The following PELP1 variants were observed in gnomAD, a reference collection of about 807,000 sequenced individuals.
The protein encoded by PELP1 is proline-, glutamic acid- and leucine-rich protein 1.
In PELP1, 32 loss-of-function variants were observed where a neutral mutation model predicts 95.5. The observed-to-expected ratio is 0.34, with a 90% CI of 0.25 to 0.45. PELP1 has a LOEUF of 0.45. Among genes scored for constraint, PELP1 ranks in the 20% least tolerant of loss-of-function variants. PELP1 has a pLI of 1.00. For missense variants in PELP1, 1,358 were observed against 1,444.8 expected (o/e 0.94, Z 0.97); for synonymous variants, 668 against 600.1 (o/e 1.11, Z -1.65).
chr17:4,698,008 G>GCTTTT (rs1223259169), intron 1 of PELP1, among the ~76,000 whole-genome samples: 13 of 133,600 alleles, frequency 9.7e-5, no homozygotes, highest in African/African-American at 3.6e-4. Flanking sequence ...TTTCTGCAAG[G>GCTTTT]TTTTTTTTTT....
chr17:4,698,965 A>G (rs1297454704), intron 1 of PELP1, among the ~76,000 whole-genome samples: 1 of 152,180 alleles, frequency 6.6e-6, no homozygotes, highest in Non-Finnish European at 1.5e-5. Flanking sequence ...AAATATCTGA[A>G]AGAATTCCTG....
chr17:4,675,095 G>A lies in PELP1; in HGVS notation c.1258C>T (p.Gln420Ter). Residue 420 changes from glutamine to a stop codon, truncating the protein, a stop_gained, in exon 11 of 17, where the codon CAG (glutamine) becomes TAG (stop). Coordinates refer to ENST00000572293, the MANE Select transcript of PELP1 (RefSeq NM_014389.3). LOFTEE classifies it high-confidence loss of function. This position sits in a 1 kb window ranked among gnomAD's most constrained non-coding sequence, Gnocchi z 4.3. ...SIGRDSLSPG[Q>*]ERPYSTVRTK... is the part of the protein sequence containing the mutation. ...GATGGTCACCTGTAAGGCCTCTCCT[G>A]GCCTGGAGAGAGGGAATCTCTACCG... is the stretch of plus-strand genomic sequence containing the variant. 6.2e-7 allele frequency: 1 copy of A among 1,613,762 alleles called. No homozygotes were observed. The highest frequency in any genetic ancestry group is 8.5e-7 in the Non-Finnish European group (1 of 1,179,764).
chr17:4,676,190 C>T (rs1912467347), intron 7 of PELP1, 28 bp from the exon 8 acceptor site: 7 of 1,611,030 alleles, frequency 4.3e-6, no homozygotes, highest in African/African-American at 1.3e-5. Context: ...ACCCTGTACA[C>T]TGTCTTTCTT....
Position 4,673,749 on chromosome 17 carries a change from CA to C in PELP1, c.1583-76del. The C allele has an allele frequency of 1.6e-6, 2 of 1,236,072 alleles. No individual in the cohort carries two copies. Among genetic ancestry groups the C allele is most frequent in the Non-Finnish European group, 2.4e-6 (2 of 835,138 alleles). 76.6% of individuals were successfully genotyped at this position (1,236,072 alleles called of 1,614,324 possible). On this transcript the variant is annotated intron_variant, in intron 13 of 16. Coordinates refer to ENST00000572293, the MANE Select transcript of PELP1 (RefSeq NM_014389.3). This position sits in a 1 kb window ranked among gnomAD's most constrained non-coding sequence, Gnocchi z 5.7. ...GCAAGGGCTTCTGAAGCATACAGCC[CA>C]AAATGGGCATCAACTCTGCCACTGC...
At chr17:4,688,889 A>C (rs1012276726) in intron 3 of PELP1, among the ~76,000 whole-genome samples, 2 of 152,240 alleles carry the variant, frequency 1.3e-5, no homozygotes, top group Non-Finnish European at 2.9e-5. Flanking sequence ...CATAAAGCCA[A>C]AGCAAGGCTA....
At chr17:4,699,807 G>A (rs1015415701) in intron 1 of PELP1, among the ~76,000 whole-genome samples, 7 of 151,164 alleles carry the variant, frequency 4.6e-5, no homozygotes, top group Non-Finnish European at 1.0e-4. Flanking sequence ...GGCTGGTCTC[G>A]AACTCCTGGC....
chr17:4,694,353 CTAAG>C lies in PELP1; in HGVS notation c.250-2915_250-2912del, dbSNP rs559943449. Among the ~76,000 whole-genome samples, 500 of 152,066 alleles carry C rather than the reference CTAAG, an allele frequency of 3.3e-3. 1 individual carries two copies. Among genetic ancestry groups the C allele is most frequent in the Non-Finnish European group, 5.0e-3 (340 of 68,002 alleles). On this transcript the variant is annotated intron_variant, in intron 1 of 16. Coordinates refer to ENST00000572293, the MANE Select transcript of PELP1 (RefSeq NM_014389.3). ...TACTAAATCCACGGAATTGTATACT[CTAAG>C]TGAGTGAACTGTGGCCGGGCGCAGT...
chr17:4,691,322 A>G (rs991112443), intron 2 of PELP1, 56 bp downstream of exon 2: 26 of 1,221,308 alleles, frequency 2.1e-5, no homozygotes, highest in Non-Finnish European at 3.0e-5. Flanking sequence ...AGATGTACAT[A>G]TGCCCACTTC....
chr17:4,670,321 C>T lies in PELP1; in HGVS notation c.*1118G>A, dbSNP rs1219666108. 6.6e-6 allele frequency: 1 copy of T among 152,158 alleles called. No individual in the cohort carries two copies. The highest frequency in any genetic ancestry group is 6.5e-5 in the Admixed American group (1 of 15,280). 9.4% of individuals were successfully genotyped at this position (152,158 alleles called of 1,614,324 possible). A position where few individuals can be genotyped will look rare whatever the true frequency, so the allele number is the denominator to read the frequency against. On this transcript the variant is annotated 3_prime_UTR_variant, in exon 17 of 17. Coordinates refer to ENST00000572293, the MANE Select transcript of PELP1 (RefSeq NM_014389.3). The stretch of plus-strand genomic sequence containing the variant: ...TGACTGAGCAAAAAAAACCACGGGG[C>T]CCCTAGTTCAAGCCCACCAATCTTG...
chr17:4,672,288 CTCT>C lies in PELP1; in HGVS notation c.2700_2702del (p.Glu908del), dbSNP rs559608745. On this transcript the variant is annotated inframe_deletion, in exon 16 of 17. Transcript: ENST00000572293. ...AGTCTTCCTCCTCTTCCTCTTCTTCCTCTTCTTCTTCTTCCTCTTCTTCCTCTT... is the reference window on the plus strand; with the variant it reads ...AGTCTTCCTCCTCTTCCTCTTCTTCCTCTTCTTCTTCCTCTTCTTCCTCTT... 2.7e-3 allele frequency: 4,141 copies of C among 1,549,282 alleles called. 10 individuals carry two copies. Among genetic ancestry groups the C allele is most frequent in the African/African-American group, 0.01 (746 of 72,616 alleles).
At position 4,671,216 on chromosome 17, in the gene PELP1, G is replaced by A. The variant is rs1396228309; in HGVS notation, c.*223C>T. 6 of 574,214 alleles carry A rather than the reference G, an allele frequency of 1.0e-5. No homozygotes were observed. The allele number at this position is 574,214 out of a possible 1,614,324, so 35.6% of individuals were successfully genotyped here. Reference sequence around the variant, plus strand: ...CCTACAATTCTGACACCATCGTGCTGAGTGATGGGACAGTCCATTACACCA... The same window carrying A: ...CCTACAATTCTGACACCATCGTGCTAAGTGATGGGACAGTCCATTACACCA... On this transcript the variant is annotated 3_prime_UTR_variant, in exon 17 of 17. Coordinates refer to ENST00000572293, the MANE Select transcript of PELP1 (RefSeq NM_014389.3).
intron 3 of PELP1, among the ~76,000 whole-genome samples, chr17:4,689,229 A>G (rs764370849): frequency 1.3e-5 from 2 of 152,260 alleles, no homozygotes; most frequent in Admixed American, 6.5e-5. Flanking sequence ...ACCTGAAACC[A>G]TAACAATTCT....
chr17:4,693,541 C>T (rs1299227612), intron 1 of PELP1, among the ~76,000 whole-genome samples: 2 of 152,192 alleles, frequency 1.3e-5, no homozygotes, highest in South Asian at 2.1e-4. Context: ...TCTACTCTTA[C>T]GCTTTGGGCC....
intron 3 of PELP1, among the ~76,000 whole-genome samples, chr17:4,690,352 A>G (rs567767789): frequency 1.3e-5 from 2 of 152,258 alleles, no homozygotes; most frequent in African/African-American, 4.8e-5. Flanking sequence ...GGGTGCACCA[A>G]CATCTCAGAA....
At chr17:4,695,271 G>A (rs922432924) in intron 1 of PELP1, among the ~76,000 whole-genome samples, 1 of 151,586 alleles carries the variant, frequency 6.6e-6, no homozygotes, top group African/African-American at 2.4e-5. Flanking sequence ...GCAGTGAGCC[G>A]AGATCACGCC....
Position 4,671,512 on chromosome 17 carries a change from G to A in PELP1, c.3320C>T (p.Ala1107Val), listed in dbSNP as rs763295002. The change falls in exon 17 of 17, where the codon GCC becomes GTC. Residue 1107 changes from alanine to valine, a missense_variant. Ala to Val is a moderately conservative substitution (Grantham distance 64, BLOSUM62 0). Coordinates refer to ENST00000572293, the MANE Select transcript of PELP1 (RefSeq NM_014389.3). ...ACAATCGATGAAGTCGGCCAGCATG[G>A]CAGCTGTGTCATCCTGCTCCTTTTA... ...LQEKEQDDTA[A>V]MLADFIDCPP... 1 of 1,613,724 alleles carries A rather than the reference G, an allele frequency of 6.2e-7. No individual in the cohort carries two copies. Among genetic ancestry groups the A allele is most frequent in the Non-Finnish European group, 8.5e-7 (1 of 1,179,694 alleles).
intron 1 of PELP1, 58 bp from the exon 2 acceptor site, chr17:4,691,500 T>C (rs1913097666): frequency 3.7e-6 from 5 of 1,359,784 alleles, no homozygotes; most frequent in Non-Finnish European, 5.3e-6. Context: ...ATGCAGAAGA[T>C]TCTTCAAGCC....
chr17:4,688,521 C>T (rs1164947630), intron 3 of PELP1, among the ~76,000 whole-genome samples: 3 of 152,098 alleles, frequency 2.0e-5, no homozygotes, highest in African/African-American at 7.2e-5. Flanking sequence ...TCAATGTATA[C>T]ACATCAGCAG....
Position 4,672,045 on chromosome 17 carries a change from C to T in PELP1, c.2946G>A (p.Leu982=). 6.4e-7 allele frequency: 1 copy of T among 1,569,332 alleles called. No individual in the cohort carries two copies. Among genetic ancestry groups the T allele is most frequent in the Non-Finnish European group, 8.6e-7 (1 of 1,158,092 alleles). The change falls in exon 16 of 17, where the codon CTG becomes CTA. Residue 982 remains leucine, a synonymous_variant. Coordinates refer to ENST00000572293, the MANE Select transcript of PELP1 (RefSeq NM_014389.3). ...ACTCAGGGGGAGGCAGAGCTGGAGG[C>T]AGGGTTGGGGGTGGAGGTGCACCTT... The part of the protein sequence containing the change: ...VEEGAPPPPT[L]PPALPPPESP...
Sources: allele counts gnomAD v4.1 joint callset (sites outside exome capture counted in the v4.1 genomes callset), GRCh38; gene constraint gnomAD v4.1.1; non-coding constraint Gnocchi (gnomAD v3.1); transcripts MANE v1.5; gene names NCBI Gene and HGNC (gene_info 2026-07-23, HGNC 2026-07-21).